The following NAAA variants were observed in gnomAD, a reference collection of about 807,000 sequenced individuals.
NAAA encodes the protein N-acylethanolamine-hydrolyzing acid amidase.
In NAAA, 39 loss-of-function variants were observed where a neutral mutation model predicts 44.8. The observed-to-expected ratio is 0.87, with a 90% CI of 0.67 to 1.14. The LOEUF (loss-of-function observed/expected upper bound fraction) is 1.14, where lower values mean the gene tolerates loss of function less well. Ranked by LOEUF, NAAA falls within the 50% of genes most tolerant of loss-of-function variation. NAAA has a pLI of 0.00. For missense variants in NAAA, 460 were observed against 467.8 expected, an observed-to-expected ratio of 0.98 and a Z score of 0.15; for synonymous variants, 178 against 191.3, an observed-to-expected ratio of 0.93 and a Z score of 0.58.
Position 75,921,099 on chromosome 4 carries a change from C to T in NAAA, c.691G>A (p.Glu231Lys), listed in dbSNP as rs763902612. The T allele has an allele frequency of 1.8e-5, 29 of 1,582,998 alleles. No individual in the cohort carries two copies. The highest frequency in any genetic ancestry group is 2.3e-5 in the South Asian group (2 of 85,630). The change falls in exon 6 of 11, where the codon GAA becomes AAA. Residue 231 changes from glutamate (E) to lysine (K), a missense_variant. Physicochemically the swap from Glu to Lys is moderately conservative, Grantham distance 56. Coordinates refer to ENST00000286733, the MANE Select transcript of NAAA (RefSeq NM_014435.4). ...RATLSESENF[E>K]AAVGKLAKTP... ...TTGGCCAACTTGCCAACAGCTGCTT[C>T]GAAGTTTTCCGACTCACTCAGGGTC...
chr4:75,940,762 G>T lies in NAAA; in HGVS notation c.188C>A (p.Ala63Glu). The T allele has an allele frequency of 6.3e-7, 1 of 1,597,490 alleles. No homozygotes were observed. ...RHYDLDLVRA[A>E]MAQVIGDRVP... ...AGCTCACCCGATGACTTGCGCCATC[G>T]CGGCGCGCACCAAGTCCAAGTCGTA... The change falls in exon 1 of 11, where the codon GCG becomes GAG. Residue 63 changes from alanine (A) to glutamate (E), a missense_variant. Transcript: ENST00000286733.
intron 9 of NAAA, among the ~76,000 whole-genome samples, chr4:75,915,945 C>T (rs17001210): frequency 0.087 from 13,206 of 152,230 alleles, 995 homozygotes; most frequent in African/African-American, 0.2. Context: ...CAGAAACAGG[C>T]AGAATTAGTA....
At chr4:75,912,138 C>T (rs1196618025), downstream of NAAA, among the ~76,000 whole-genome samples, 1 of 152,210 alleles carries the variant, frequency 6.6e-6, no homozygotes, top group African/African-American at 2.4e-5. Flanking sequence ...AAATCATTTT[C>T]CTGAGGAACA....
intron 4 of NAAA, among the ~76,000 whole-genome samples, chr4:75,928,234 A>G (rs1726912651): frequency 6.6e-6 from 1 of 152,180 alleles, no homozygotes; most frequent in South Asian, 2.1e-4. Flanking sequence ...AATATCTGTC[A>G]CAGTAGGTTT....
At chr4:75,919,623 C>T in intron 8 of NAAA, 4 of 507,380 alleles carry the variant, frequency 7.9e-6, no homozygotes, top group South Asian at 7.8e-5. Flanking sequence ...GGACTACAGG[C>T]ACCCGCCACT....
chr4:75,935,907 C>T lies in NAAA; in HGVS notation c.498+202G>A. On this transcript the variant is annotated intron_variant, in intron 3 of 10. Coordinates refer to ENST00000286733, the MANE Select transcript of NAAA (RefSeq NM_014435.4). ...AAACTGGGTGACCTCTTTAAGTAGA[C>T]ACTGAATAATAAATAATAAATGACC... 4.7e-6 allele frequency: 3 copies of T among 632,462 alleles called. No homozygotes were observed. In the South Asian group the frequency reaches 6.2e-5, roughly 13 times the overall value. 39.2% of individuals were successfully genotyped at this position (632,462 alleles called of 1,614,324 possible). A position where few individuals can be genotyped will look rare whatever the true frequency, so the allele number is the denominator to read the frequency against.
chr4:75,932,568 G>A (rs1279780911), intron 3 of NAAA, among the ~76,000 whole-genome samples: 2 of 151,998 alleles, frequency 1.3e-5, no homozygotes, highest in Non-Finnish European at 2.9e-5. Context: ...CTGCAGCCTC[G>A]ACCTCCTGGG....
At chr4:75,917,261 A>G (rs1725714406) in intron 9 of NAAA, 1 of 193,430 alleles carries the variant, frequency 5.2e-6, no homozygotes. Context: ...TTAAATATGC[A>G]GGAAGTGTAT....
chr4:75,923,315 A>C (rs1578052729), intron 5 of NAAA, among the ~76,000 whole-genome samples: 1 of 152,152 alleles, frequency 6.6e-6, no homozygotes, highest in East Asian at 1.9e-4. Context: ...GAAAGAAATT[A>C]GGCAGATAGT....
chr4:75,917,904 G>T (rs112005622), intron 9 of NAAA: 22 of 241,190 alleles, frequency 9.1e-5, no homozygotes, highest in African/African-American at 3.7e-4. Flanking sequence ...CATTAACTAA[G>T]CGAATTGTCA....
intron 4 of NAAA, among the ~76,000 whole-genome samples, chr4:75,928,440 G>A (rs1340919227): frequency 1.3e-5 from 2 of 152,148 alleles, no homozygotes; most frequent in Non-Finnish European, 2.9e-5. Context: ...GGGAGTGAGG[G>A]GTCAGTGATG....
At position 75,940,469 on chromosome 4, in the gene NAAA, T is replaced by C. The variant is rs537824305; in HGVS notation, c.206+275A>G. On this transcript the variant is annotated intron_variant, in intron 1 of 10. Transcript: ENST00000286733. Reference sequence around the variant, plus strand: ...AAGGAAGGCGCGGGTTGCCCCTCCTTGGTAGCTATGCAGCCCGGGCGACAA... The same window carrying C: ...AAGGAAGGCGCGGGTTGCCCCTCCTCGGTAGCTATGCAGCCCGGGCGACAA... 6.6e-4 allele frequency among the ~76,000 whole-genome samples: 101 copies of C among 152,280 alleles called. 1 individual carries two copies. Among genetic ancestry groups the C allele is most frequent in the African/African-American group, 2.3e-3 (96 of 41,568 alleles).
At chr4:75,925,956 T>TTA in intron 4 of NAAA, 145 bp from the exon 5 acceptor site, 1 of 733,800 alleles carries the variant, frequency 1.4e-6, no homozygotes, top group Non-Finnish European at 2.3e-6. Context: ...ACAATGATAG[T>TTA]TATGTCAAAG....
intron 2 of NAAA, among the ~76,000 whole-genome samples, chr4:75,938,330 C>A (rs190673675): frequency 1.3e-5 from 2 of 152,250 alleles, no homozygotes; most frequent in African/African-American, 4.8e-5. Context: ...TTTACTAGAA[C>A]TTTTGCTTTA....
intron 9 of NAAA, among the ~76,000 whole-genome samples, chr4:75,915,468 A>C (rs941372970): frequency 6.6e-6 from 1 of 152,108 alleles, no homozygotes; most frequent in Non-Finnish European, 1.5e-5. Flanking sequence ...TTACTTGCAC[A>C]CATGTGACAT....
At chr4:75,925,477 C>G (rs566500818) in intron 5 of NAAA, among the ~76,000 whole-genome samples, 1 of 152,346 alleles carries the variant, frequency 6.6e-6, no homozygotes, top group African/African-American at 2.4e-5. Context: ...TCTGCACAAA[C>G]CGAAGTTGAG....
chr4:75,937,718 G>A (rs547944744), intron 2 of NAAA, among the ~76,000 whole-genome samples: 2 of 152,112 alleles, frequency 1.3e-5, no homozygotes, highest in African/African-American at 2.4e-5. Flanking sequence ...GAACTCCTGG[G>A]CTCAAGAGAT....
chr4:75,914,292 T>C lies in NAAA; in HGVS notation c.*83A>G. 2.0e-6 allele frequency: 2 copies of C among 985,370 alleles called. No homozygotes were observed. Among genetic ancestry groups the C allele is most frequent in the African/African-American group, 3.5e-5 (2 of 57,336 alleles). The allele number at this position is 985,370 out of a possible 1,614,324, so 61.0% of individuals were successfully genotyped here. A position where few individuals can be genotyped will look rare whatever the true frequency, so the allele number is the denominator to read the frequency against. On this transcript the variant is annotated 3_prime_UTR_variant, in exon 11 of 11. Transcript: ENST00000286733. ...AATACAATACTTTCACTTTGTCTTA[T>C]TTTTTAAGGTGCAGCTCTTCAAGAA...
At chr4:75,913,415 T>A (rs2047988), downstream of NAAA, among the ~76,000 whole-genome samples, 1 of 151,834 alleles carries the variant, frequency 6.6e-6, no homozygotes, top group South Asian at 2.1e-4. Context: ...GCAAAATAAC[T>A]CTCTCATGGA....
Sources: allele counts gnomAD v4.1 joint callset (sites outside exome capture counted in the v4.1 genomes callset), GRCh38; gene constraint gnomAD v4.1.1; transcripts MANE v1.5; gene names NCBI Gene and HGNC (gene_info 2026-07-23, HGNC 2026-07-21).